The following ECE1 variants were observed in gnomAD, a reference collection of about 807,000 sequenced individuals.
ECE1 encodes the protein endothelin-converting enzyme 1.
ECE1 carries 35 observed loss-of-function variants against 98.6 expected under a neutral mutation model. The observed-to-expected ratio is 0.35, with a 90% CI of 0.27 to 0.47. The LOEUF is 0.47. ECE1 is among the 20% of genes least tolerant of loss of function. The pLI is 1.00. For missense variants in ECE1, 814 were observed against 1,025.3 expected (o/e 0.79, Z 2.81); for synonymous variants, 394 against 407.1 (o/e 0.97, Z 0.39).
At chr1:21,270,773 C>T (rs1018264616) in intron 4 of ECE1, among the ~76,000 whole-genome samples, 4 of 152,140 alleles carry the variant, frequency 2.6e-5, no homozygotes, top group Admixed American at 2.6e-4. Flanking sequence ...GCATGGTTCC[C>T]ACTGTACTCA....
intron 4 of ECE1, among the ~76,000 whole-genome samples, chr1:21,270,668 C>A (rs1412509203): frequency 6.6e-6 from 1 of 152,186 alleles, no homozygotes; most frequent in African/African-American, 2.4e-5. Context: ...ACAGTAGCAT[C>A]AATACAAACA....
At chr1:21,252,482 A>G (rs1356589632) in intron 8 of ECE1, among the ~76,000 whole-genome samples, 1 of 152,246 alleles carries the variant, frequency 6.6e-6, no homozygotes, top group Non-Finnish European at 1.5e-5. Flanking sequence ...CTGGGAGAGA[A>G]GAGAAGAATG....
At chr1:21,261,178 G>A (rs2098226408) in intron 4 of ECE1, among the ~76,000 whole-genome samples, 1 of 152,168 alleles carries the variant, frequency 6.6e-6, no homozygotes, top group Non-Finnish European at 1.5e-5. Flanking sequence ...CCCTGCTCCA[G>A]GCCATGCCAG....
At chr1:21,255,688 A>T (rs1197464439) in intron 8 of ECE1, among the ~76,000 whole-genome samples, 1 of 152,166 alleles carries the variant, frequency 6.6e-6, no homozygotes, top group African/African-American at 2.4e-5. Context: ...CCAAGTAAAC[A>T]CTATTAATTA....
rs772162355 is a variant in ECE1 at position 21,233,589 on chromosome 1, C to A, written c.1639G>T (p.Asp547Tyr). 6.2e-7 allele frequency: 1 copy of A among 1,613,802 alleles called. No individual in the cohort carries two copies. The highest frequency in any genetic ancestry group is 1.1e-5 in the South Asian group (1 of 91,062). The change falls in exon 14 of 19, where the codon GAT (aspartate) becomes TAT (tyrosine). Residue 547 changes from aspartate (D) to tyrosine (Y), a missense_variant. Asp to Tyr is a radical substitution (Grantham distance 160, BLOSUM62 -3). Coordinates refer to ENST00000374893, the MANE Select transcript of ECE1 (RefSeq NM_001397.3). The surrounding 1 kb of genome is among the most constrained non-coding windows in gnomAD (Gnocchi z 4.0). Reference sequence around the variant, plus strand: ...CTGTTGGGGGCTTTCCTGAGCTGATCGGCAGTGACCCTCCATGAGAAGTTG... The same window carrying A: ...CTGTTGGGGGCTTTCCTGAGCTGATAGGCAGTGACCCTCCATGAGAAGTTG... ...FFNFSWRVTADQLRKAPNRDQ... is the reference protein window; with the variant it reads ...FFNFSWRVTAYQLRKAPNRDQ...
In ECE1 at chr1:21,260,095, G is replaced by A. The variant is rs1478143922; in HGVS notation, c.615+176C>T. Among the ~76,000 whole-genome samples the A allele has an allele frequency of 6.6e-6, 1 of 152,220 alleles. No individual in the cohort carries two copies. The highest frequency in any genetic ancestry group is 6.5e-5 in the Admixed American group (1 of 15,288). ...CAACCCACCCACGCAGCTACGCAAT[G>A]TGCTCACACTCACATGTGCTCTCGC... is the stretch of plus-strand genomic sequence containing the variant. On this transcript the variant is annotated intron_variant, in intron 5 of 18. Coordinates refer to ENST00000374893, the MANE Select transcript of ECE1 (RefSeq NM_001397.3). The surrounding 1 kb of genome is among the most constrained non-coding windows in gnomAD (Gnocchi z 4.3).
At chr1:21,282,884 C>T (rs1405438473) in intron 2 of ECE1, among the ~76,000 whole-genome samples, 1 of 151,318 alleles carries the variant, frequency 6.6e-6, no homozygotes, top group East Asian at 1.9e-4. Context: ...GTGCTAAGGG[C>T]CTGGGATCAT....
rs1286740900 is a variant in ECE1, at chr1:21,233,863, C to T, written c.1567-202G>A. On this transcript the variant is annotated intron_variant, in intron 13 of 18. Transcript: ENST00000374893. This position sits in a 1 kb window ranked among gnomAD's most constrained non-coding sequence, Gnocchi z 4.0. Reference sequence around the variant, plus strand: ...GGAATGACACCGTTGCAGGATGTGCCTACAGCAGTGCCTGGGCCCAGGCAA... The same window carrying T: ...GGAATGACACCGTTGCAGGATGTGCTTACAGCAGTGCCTGGGCCCAGGCAA... Among the ~76,000 whole-genome samples, 2 of 152,054 alleles carry T rather than the reference C, an allele frequency of 1.3e-5. No homozygotes were observed. The highest frequency in any genetic ancestry group is 4.8e-5 in the African/African-American group (2 of 41,412).
Position 21,320,022 on chromosome 1 carries a change from G to A in ECE1, c.3+25354C>T, listed in dbSNP as rs115119448. On this transcript the variant is annotated intron_variant, in intron 1 of 18. Transcript: ENST00000415912. ...AAAATACACCAACGATAGCCGATCAGCTAAAAAACAAAGGTGCATGCATAA... is the reference window on the plus strand; with the variant it reads ...AAAATACACCAACGATAGCCGATCAACTAAAAAACAAAGGTGCATGCATAA... 4.3e-3 allele frequency among the ~76,000 whole-genome samples: 653 copies of A among 152,354 alleles called. 4 individuals are homozygous for A. The highest frequency in any genetic ancestry group is 0.014 in the Middle Eastern group (4 of 294).
At chr1:21,244,876 G>A (rs568477928) in intron 10 of ECE1, 113 bp downstream of exon 10, 30 of 986,754 alleles carry the variant, frequency 3.0e-5, no homozygotes, top group African/African-American at 2.6e-4. Context: ...CACTCCTTCC[G>A]GAAGCTTCTA....
chr1:21,220,654 G>A lies in ECE1; in HGVS notation c.2137-523C>T, dbSNP rs1030629369. ...TCTACTAAAAATACAAAAATTAGAT[G>A]GGCGTGGTGGTGCGTGCCTATATCC... On this transcript the variant is annotated intron_variant, in intron 18 of 18. Transcript: ENST00000374893. This position sits in a 1 kb window ranked among gnomAD's most constrained non-coding sequence, Gnocchi z 5.0. Among the ~76,000 whole-genome samples, 1 of 152,094 alleles carries A rather than the reference G, an allele frequency of 6.6e-6. No individual in the cohort carries two copies. Among genetic ancestry groups the A allele is most frequent in the African/African-American group, 2.4e-5 (1 of 41,424 alleles).
At chr1:21,305,264 T>A (rs1435719190) in intron 1 of ECE1, among the ~76,000 whole-genome samples, 1 of 152,136 alleles carries the variant, frequency 6.6e-6, no homozygotes, top group African/African-American at 2.4e-5. Flanking sequence ...CAGGCTAACT[T>A]CTGGTCTGAT....
At chr1:21,302,869 G>A (rs566669657) in intron 1 of ECE1, among the ~76,000 whole-genome samples, 52 of 152,322 alleles carry the variant, frequency 3.4e-4, no homozygotes, top group African/African-American at 1.1e-3. Context: ...CAGGGGGCAG[G>A]AATGCCCCAG....
intron 9 of ECE1, among the ~76,000 whole-genome samples, chr1:21,246,940 G>A (rs969293253): frequency 3.3e-5 from 5 of 152,342 alleles, no homozygotes; most frequent in East Asian, 1.9e-4. Context: ...AATTACGGGC[G>A]TTCATGCCCG....
intron 1 of ECE1, among the ~76,000 whole-genome samples, chr1:21,295,468 A>T (rs1313204161): frequency 6.6e-6 from 1 of 152,276 alleles, no homozygotes; most frequent in Non-Finnish European, 1.5e-5. Context: ...ATTATCCATT[A>T]TATTTCCCAG....
intron 8 of ECE1, among the ~76,000 whole-genome samples, chr1:21,250,258 G>A (rs373022842): frequency 7.9e-5 from 12 of 152,216 alleles, no homozygotes; most frequent in East Asian, 5.8e-4. Context: ...GGCTTATTTC[G>A]CTTAGCACAG....
chr1:21,239,407 G>A (rs1215443029), intron 10 of ECE1, among the ~76,000 whole-genome samples: 4 of 152,186 alleles, frequency 2.6e-5, no homozygotes, highest in African/African-American at 9.7e-5. Flanking sequence ...CAAAGAACAG[G>A]TGGTTAACAA....
At chr1:21,315,917 C>T (rs549087261) in intron 1 of ECE1, among the ~76,000 whole-genome samples, 1 of 152,064 alleles carries the variant, frequency 6.6e-6, no homozygotes, top group Admixed American at 6.5e-5. Flanking sequence ...TGGAGTCAGT[C>T]AACCTGGGTA....
chr1:21,219,981 G>C lies in ECE1; in HGVS notation c.2287C>G (p.Pro763Ala), dbSNP rs186453862. 72 of 1,614,270 alleles carry C rather than the reference G, an allele frequency of 4.5e-5. No individual in the cohort carries two copies. In the East Asian group the frequency reaches 1.2e-3, roughly 26 times the overall value. Residue 763 changes from proline to alanine, a missense_variant, in exon 19 of 19, where the codon CCG becomes GCG. By Grantham distance (27) the Pro-to-Ala change is conservative. Around this residue, in one of 3 missense-constraint regions of ECE1, gnomAD observed 452 missense variants for 567.3 expected, o/e 0.80. Transcript: ENST00000374893. The surrounding 1 kb of genome is among the most constrained non-coding windows in gnomAD (Gnocchi z 4.5). ...TACCAGACTTCGCACTTGTGAGGCG[G>C]GTTCATGGGTGAGCCAGGTGGGCAG... Reference protein sequence around the residue: ...FRCPPGSPMNPPHKCEVW With the variant: ...FRCPPGSPMNAPHKCEVW
Sources: gnomAD v4.1 joint callset for allele counts (sites outside exome capture counted in the v4.1 genomes callset) on GRCh38, gnomAD v4.1.1 for gene constraint, gnomAD v4.1.1 regional missense constraint, Gnocchi (gnomAD v3.1) non-coding constraint, MANE v1.5 for transcripts, NCBI Gene and HGNC (gene_info 2026-07-23, HGNC 2026-07-21) for gene names.